ATP9A: variants seen among roughly 807,000 people sequenced by gnomAD.
ATP9A encodes ATPase phospholipid transporting 9A, also known as probable phospholipid-transporting ATPase IIA.
In ATP9A, 52 loss-of-function variants were observed where a neutral mutation model predicts 144.1. The ratio of observed to expected loss-of-function variants is 0.36; its 90% CI spans 0.29 to 0.45. The LOEUF (loss-of-function observed/expected upper bound fraction) is 0.45, where lower values mean the gene tolerates loss of function less well. Ranked by LOEUF, ATP9A falls within the 20% of genes least tolerant of loss-of-function variation. The pLI is 1.00. For missense variants in ATP9A, 947 were observed against 1,392.7 expected, an observed-to-expected ratio of 0.68 and a Z score of 5.09; for synonymous variants, 582 against 557.4, an observed-to-expected ratio of 1.04 and a Z score of -0.62.
chr20:51,739,349 CTTTT>C (rs749000986), intron 1 of ATP9A, among the ~76,000 whole-genome samples: 63 of 134,668 alleles, frequency 4.7e-4, no homozygotes, highest in African/African-American at 1.6e-3. Flanking sequence ...TACACTCACT[CTTTT>C]TTTTTTTTTT....
chr20:51,759,269 G>A (rs932092036), intron 1 of ATP9A, among the ~76,000 whole-genome samples: 1 of 152,218 alleles, frequency 6.6e-6, no homozygotes, highest in Non-Finnish European at 1.5e-5. Context: ...TGGCTGAGGA[G>A]GGGGGTGTCT....
At chr20:51,666,265 C>T (rs540054853) in intron 13 of ATP9A, among the ~76,000 whole-genome samples, 1 of 152,212 alleles carries the variant, frequency 6.6e-6, no homozygotes, top group East Asian at 1.9e-4. Flanking sequence ...AGCTGTTCTC[C>T]AATGCTACTG....
At chr20:51,629,448 C>G (rs2077262244) in intron 15 of ATP9A, among the ~76,000 whole-genome samples, 1 of 152,180 alleles carries the variant, frequency 6.6e-6, no homozygotes, top group South Asian at 2.1e-4. Context: ...AGGACTAGAA[C>G]AGGGAGTCTC....
intron 17 of ATP9A, among the ~76,000 whole-genome samples, chr20:51,626,078 G>C (rs989685111): frequency 6.6e-6 from 1 of 152,222 alleles, no homozygotes; most frequent in African/African-American, 2.4e-5. Context: ...CCAGGCACCA[G>C]AGACACGGCA....
intron 3 of ATP9A, among the ~76,000 whole-genome samples, chr20:51,714,857 TCCCCAACTTTCCTCTGAGTTGGGAA>T (rs1457292338): frequency 6.6e-6 from 1 of 152,256 alleles, no homozygotes; most frequent in East Asian, 1.9e-4. Flanking sequence ...ATTTTAAACT[TCCCCAACTTTCCTCTGAGTTGGGAA>T]CCCCAACTCA....
chr20:51,694,309 T>C (rs4811226), intron 6 of ATP9A, among the ~76,000 whole-genome samples: 53,246 of 152,054 alleles, frequency 0.35, 9,980 homozygotes, highest in East Asian at 0.64. Context: ...CGCCACTCCC[T>C]CTGAGTGGGA....
chr20:51,723,121 A>G (rs535490974), intron 3 of ATP9A, among the ~76,000 whole-genome samples: 2 of 152,178 alleles, frequency 1.3e-5, no homozygotes, highest in Non-Finnish European at 2.9e-5. Flanking sequence ...GAGACTGGAG[A>G]CTATTATTCG....
chr20:51,640,474 C>A (rs546555296), intron 14 of ATP9A, among the ~76,000 whole-genome samples: 5 of 152,184 alleles, frequency 3.3e-5, no homozygotes, highest in Non-Finnish European at 5.9e-5. Context: ...AGGTGGAGAA[C>A]ACGGGTCCAC....
At chr20:51,618,249 T>G (rs2077211546) in intron 21 of ATP9A, among the ~76,000 whole-genome samples, 1 of 150,590 alleles carries the variant, frequency 6.6e-6, no homozygotes. Flanking sequence ...CCCCTTTTAG[T>G]CTTCATGACA....
At chr20:51,768,195 G>T in intron 1 of ATP9A, 107 bp downstream of exon 1, 1 of 630,478 alleles carries the variant, frequency 1.6e-6, no homozygotes, top group Non-Finnish European at 2.1e-6. Context: ...CAGGCTCATG[G>T]CGCCGGGCGC....
rs114617339 is a variant in ATP9A, at chr20:51,611,542, G to T, written c.2572-1377C>A. On this transcript the variant is annotated intron_variant, in intron 23 of 27. Coordinates refer to ENST00000338821, the MANE Select transcript of ATP9A (RefSeq NM_006045.3). The surrounding 1 kb of genome is among the most constrained non-coding windows in gnomAD (Gnocchi z 4.2). ...TCATGTCCCGGTGCAATTCTAACTG[G>T]GACTTGCTCTCGGCCATTTTCAGCA... 7.9e-3 allele frequency among the ~76,000 whole-genome samples: 1,203 copies of T among 152,226 alleles called. 15 individuals carry two copies. Among genetic ancestry groups the T allele is most frequent in the African/African-American group, 0.028 (1,145 of 41,524 alleles).
intron 1 of ATP9A, among the ~76,000 whole-genome samples, chr20:51,748,196 A>G (rs982582326): frequency 1.3e-4 from 20 of 152,104 alleles, no homozygotes; most frequent in African/African-American, 4.8e-4. Context: ...TGTAATCCCA[A>G]CACTTTGAAA....
At chr20:51,687,880 A>G (rs2077530520) in intron 9 of ATP9A, among the ~76,000 whole-genome samples, 2 of 152,174 alleles carry the variant, frequency 1.3e-5, no homozygotes, top group African/African-American at 4.8e-5. Flanking sequence ...GAGAGGAAAA[A>G]ATTGATTCAT....
At chr20:51,742,371 A>G (rs1032272167) in intron 1 of ATP9A, among the ~76,000 whole-genome samples, 136 of 152,102 alleles carry the variant, frequency 8.9e-4, no homozygotes, top group African/African-American at 3.1e-3. Flanking sequence ...ATAACTAGAA[A>G]CCAGTATCAC....
chr20:51,650,164 A>T (rs1378263391), intron 14 of ATP9A, among the ~76,000 whole-genome samples: 1 of 152,216 alleles, frequency 6.6e-6, no homozygotes, highest in Non-Finnish European at 1.5e-5. Flanking sequence ...GTCCTGGCAC[A>T]TTTGTAAAAA....
intron 22 of ATP9A, among the ~76,000 whole-genome samples, chr20:51,614,283 C>T (rs932296412): frequency 1.3e-5 from 2 of 152,070 alleles, no homozygotes; most frequent in Non-Finnish European, 2.9e-5. Context: ...TAATGGAATT[C>T]TCTCATTTTG....
intron 1 of ATP9A, among the ~76,000 whole-genome samples, chr20:51,738,707 C>T (rs4811235): frequency 0.31 from 46,729 of 150,586 alleles, 7,360 homozygotes; most frequent in East Asian, 0.45. Flanking sequence ...AAGACTCTGT[C>T]TCAAAAAAAT....
rs1646866020 is a variant in ATP9A at position 51,690,735 on chromosome 20, T to C, written c.723+4A>G. The C allele has an allele frequency of 6.2e-7, 1 of 1,612,118 alleles. No homozygotes were observed. Among genetic ancestry groups the C allele is most frequent in the African/African-American group, 1.3e-5 (1 of 74,892 alleles). ...AGGATCCCATGTGAAGGAAGCTCACTTACTCGGGTAAAAGTTCCCACGAAG... is the reference window on the plus strand; with the variant it reads ...AGGATCCCATGTGAAGGAAGCTCACCTACTCGGGTAAAAGTTCCCACGAAG... On this transcript the variant is annotated splice_donor_region_variant and intron_variant, in intron 8 of 27. Transcript: ENST00000338821.
intron 1 of ATP9A, among the ~76,000 whole-genome samples, chr20:51,730,414 G>T (rs1323591433): frequency 6.6e-6 from 1 of 152,236 alleles, no homozygotes; most frequent in Non-Finnish European, 1.5e-5. Context: ...GTCGCAGTGA[G>T]CCAAGATCGC....
Sources: gnomAD v4.1 joint callset for allele counts (sites outside exome capture counted in the v4.1 genomes callset) on GRCh38, gnomAD v4.1.1 for gene constraint, Gnocchi (gnomAD v3.1) non-coding constraint, MANE v1.5 for transcripts, NCBI Gene and HGNC (gene_info 2026-07-23, HGNC 2026-07-21) for gene names.